Variants in ARHGEF10 observed in about 807,000 individuals in gnomAD.
ARHGEF10 encodes the protein Rho guanine nucleotide exchange factor 10.
A neutral mutation model predicts 147.4 loss-of-function variants in ARHGEF10; 140 were observed. The observed-to-expected ratio is 0.95, with a 90% CI of 0.83 to 1.09. The LOEUF (loss-of-function observed/expected upper bound fraction) is 1.09. ARHGEF10 is among the 50% of genes least tolerant of loss of function. The probability of loss-of-function intolerance (pLI) is 0.00; values close to 1 mark genes in which losing one functional copy is unlikely to be tolerated. For synonymous variants in ARHGEF10, 902 were observed against 695.8 expected (o/e 1.30, Z -4.67); for missense variants, 2,222 against 1,752.7 (o/e 1.27, Z -4.78).
intron 11 of ARHGEF10, among the ~76,000 whole-genome samples, chr8:1,893,253 G>T (rs1372736811): frequency 6.6e-6 from 1 of 152,168 alleles, no homozygotes; most frequent in Non-Finnish European, 1.5e-5. Flanking sequence ...CTACCTGAAT[G>T]TTGGATACAT....
intron 2 of ARHGEF10, among the ~76,000 whole-genome samples, chr8:1,845,148 A>G (rs568475562): frequency 1.9e-4 from 29 of 152,256 alleles, no homozygotes; most frequent in South Asian, 1.2e-3. Context: ...TAAAAAATAA[A>G]GGTGGAACAT....
intron 1 of ARHGEF10, among the ~76,000 whole-genome samples, chr8:1,828,717 C>T (rs1008614994): frequency 4.0e-5 from 6 of 150,036 alleles, no homozygotes; most frequent in African/African-American, 7.4e-5. Context: ...TAAACCGTGG[C>T]GTGCACACTT....
chr8:1,866,642 G>A (rs376307710), intron 6 of ARHGEF10, 40 bp downstream of exon 6: 5 of 1,583,380 alleles, frequency 3.2e-6, no homozygotes, highest in Admixed American at 1.7e-5. Flanking sequence ...TCCTCACCAC[G>A]CTCCACAGAC....
At chr8:1,952,466 A>G (rs1183291450) in intron 27 of ARHGEF10, among the ~76,000 whole-genome samples, 1 of 152,226 alleles carries the variant, frequency 6.6e-6, no homozygotes, top group African/African-American at 2.4e-5. Context: ...AGGAGACCCA[A>G]CCAGACATCT....
chr8:1,901,247 G>A (rs1237989588), intron 15 of ARHGEF10, among the ~76,000 whole-genome samples: 1 of 152,160 alleles, frequency 6.6e-6, no homozygotes, highest in Admixed American at 6.5e-5. Context: ...TCCGTGTGCT[G>A]AGTGTAGGTG....
chr8:1,910,266 AG>A (rs1258605200), intron 18 of ARHGEF10, among the ~76,000 whole-genome samples: 4 of 152,240 alleles, frequency 2.6e-5, no homozygotes, highest in African/African-American at 9.6e-5. Context: ...TTCAGAAGCA[AG>A]GAAACCACGT....
Position 1,957,416 on chromosome 8 carries a change from G to A in ARHGEF10, c.*153G>A, listed in dbSNP as rs80095469. 2.5e-3 allele frequency: 2,750 copies of A among 1,090,700 alleles called. 35 individuals are homozygous for A. In the East Asian group the frequency reaches 0.026, roughly 10 times the overall value. 67.6% of individuals were successfully genotyped at this position (1,090,700 alleles called of 1,614,324 possible). On this transcript the variant is annotated 3_prime_UTR_variant, in exon 29 of 29. Transcript: ENST00000349830. ...AAACGTGCAATAGCGTAATGGTGGT[G>A]TCCCTGCCAATTCCTTCCTTCTCTT...
At chr8:1,928,699 G>A (rs748460547) in intron 24 of ARHGEF10, 49 bp downstream of exon 24, 1 of 1,597,968 alleles carries the variant, frequency 6.3e-7, no homozygotes, top group Non-Finnish European at 8.6e-7. Context: ...TCTGCCCATG[G>A]AGGGCGTGGT....
chr8:1,900,941 A>C (rs572790544), intron 15 of ARHGEF10, among the ~76,000 whole-genome samples: 1 of 152,094 alleles, frequency 6.6e-6, no homozygotes, highest in East Asian at 1.9e-4. Context: ...GACAAAACAA[A>C]CTGCAGATCC....
intron 18 of ARHGEF10, among the ~76,000 whole-genome samples, chr8:1,914,165 C>T (rs1401732538): frequency 6.6e-6 from 1 of 152,262 alleles, no homozygotes; most frequent in Non-Finnish European, 1.5e-5. Flanking sequence ...GAAGCTTGAA[C>T]AGCTGAATAT....
intron 7 of ARHGEF10, among the ~76,000 whole-genome samples, chr8:1,871,544 G>T (rs763330193): frequency 1.1e-4 from 17 of 152,144 alleles, no homozygotes; most frequent in Non-Finnish European, 2.1e-4. Context: ...AACAGAATGG[G>T]CGCGGTGGCT....
intron 18 of ARHGEF10, among the ~76,000 whole-genome samples, chr8:1,910,276 G>C (rs912265185): frequency 6.6e-6 from 1 of 152,136 alleles, no homozygotes; most frequent in Non-Finnish European, 1.5e-5. Context: ...AGGAAACCAC[G>C]TGAGAACGTT....
At chr8:1,851,035 G>A (rs541424921) in intron 2 of ARHGEF10, among the ~76,000 whole-genome samples, 5 of 152,070 alleles carry the variant, frequency 3.3e-5, no homozygotes, top group Non-Finnish European at 5.9e-5. Context: ...AGGGGTTTGC[G>A]GGGGGGAGGG....
intron 28 of ARHGEF10, among the ~76,000 whole-genome samples, chr8:1,955,133 C>G (rs1452409843): frequency 8.0e-6 from 1 of 124,758 alleles, no homozygotes; most frequent in African/African-American, 3.4e-5. Flanking sequence ...GAGGTGCACT[C>G]TCACTGTTCC....
rs538996528 is a variant in ARHGEF10 at position 1,928,288 on chromosome 8, A to T, written c.2698-139A>T. On this transcript the variant is annotated intron_variant, in intron 23 of 28. Coordinates refer to ENST00000349830, the MANE Select transcript of ARHGEF10 (RefSeq NM_014629.4). ...GGGCTCTGTGAGCAATTGTTTAAGA[A>T]TTTTTTTTTATTTTTTTAAGTGTGT... is the stretch of plus-strand genomic sequence containing the variant. The T allele has an allele frequency of 2.2e-4, 173 of 785,224 alleles. No homozygotes were observed. The East Asian group carries it at 3.8e-3, about 17-fold the overall frequency. The allele number at this position is 785,224 out of a possible 1,614,324, so 48.6% of individuals were successfully genotyped here.
At chr8:1,956,501 G>C (rs528282976) in intron 28 of ARHGEF10, among the ~76,000 whole-genome samples, 4 of 152,304 alleles carry the variant, frequency 2.6e-5, no homozygotes, top group Middle Eastern at 3.4e-3. Flanking sequence ...CTGAAATAGT[G>C]CTGAGGAAAA....
At chr8:1,855,158 T>C (rs991509699) in intron 2 of ARHGEF10, among the ~76,000 whole-genome samples, 1 of 152,186 alleles carries the variant, frequency 6.6e-6, no homozygotes, top group African/African-American at 2.4e-5. Flanking sequence ...TTGCAGATAT[T>C]TGAGAGCCTA....
chr8:1,852,560 C>G (rs554148503), intron 2 of ARHGEF10, among the ~76,000 whole-genome samples: 1 of 152,186 alleles, frequency 6.6e-6, no homozygotes, highest in Non-Finnish European at 1.5e-5. Context: ...AACCCGGGAG[C>G]AGCACCTTTT....
At chr8:1,928,673 C>T (rs751117511) in intron 24 of ARHGEF10, 23 bp downstream of exon 24, 1 of 1,612,184 alleles carries the variant, frequency 6.2e-7, no homozygotes, top group Non-Finnish European at 8.5e-7. Flanking sequence ...CACTGCGTTA[C>T]AGAGAATTAG....
Sources: gnomAD v4.1 joint callset for allele counts (sites outside exome capture counted in the v4.1 genomes callset) on GRCh38, gnomAD v4.1.1 for gene constraint, MANE v1.5 for transcripts, NCBI Gene and HGNC (gene_info 2026-07-23, HGNC 2026-07-21) for gene names.